Variants in THADA observed in about 807,000 individuals in gnomAD.
THADA encodes tRNA (32-2'-O)-methyltransferase regulator THADA.
A neutral mutation model predicts 219.8 loss-of-function variants in THADA; 213 were observed. The ratio of observed to expected loss-of-function variants is 0.97; its 90% CI spans 0.87 to 1.09. THADA has a LOEUF of 1.09. Ranked by LOEUF, THADA falls within the 50% of genes least tolerant of loss-of-function variation. The pLI is 0.00. For missense variants in THADA, 2,956 were observed against 2,311.3 expected (o/e 1.28, Z -5.72); for synonymous variants, 1,018 against 828.9 (o/e 1.23, Z -3.92).
chr2:43,494,876 A>C (rs1363163977), intron 25 of THADA, among the ~76,000 whole-genome samples: 1 of 152,202 alleles, frequency 6.6e-6, no homozygotes, highest in Admixed American at 6.5e-5. Flanking sequence ...AAGACTAAGG[A>C]GTCTGTAAAA....
chr2:43,329,294 C>G (rs10210125), intron 30 of THADA, among the ~76,000 whole-genome samples: 37,425 of 152,064 alleles, frequency 0.25, 5,360 homozygotes, highest in African/African-American at 0.39. Context: ...AATGTTAACA[C>G]AAGTCCCCTT....
intron 26 of THADA, among the ~76,000 whole-genome samples, chr2:43,482,617 T>C (rs1180767281): frequency 6.6e-6 from 1 of 152,196 alleles, no homozygotes; most frequent in African/African-American, 2.4e-5. Context: ...TTCTTATTTC[T>C]CCTCTAGTAA....
intron 35 of THADA, among the ~76,000 whole-genome samples, chr2:43,281,440 CTTTTT>C (rs35111198): frequency 1.9e-5 from 2 of 106,838 alleles, no homozygotes. Flanking sequence ...TCATGTACTT[CTTTTT>C]TTTTTTTTTT....
At chr2:43,585,653 C>A (rs950706677) in intron 7 of THADA, among the ~76,000 whole-genome samples, 2 of 151,724 alleles carry the variant, frequency 1.3e-5, no homozygotes, top group Admixed American at 6.6e-5. Context: ...ATATACTGAA[C>A]AAAACCAGCA....
At chr2:43,436,571 T>C (rs1680143416) in intron 26 of THADA, among the ~76,000 whole-genome samples, 1 of 152,198 alleles carries the variant, frequency 6.6e-6, no homozygotes, top group Non-Finnish European at 1.5e-5. Context: ...GTCCTTCCCT[T>C]TTCTGTAGCC....
intron 31 of THADA, among the ~76,000 whole-genome samples, chr2:43,306,251 AT>A (rs1440775475): frequency 1.3e-5 from 2 of 152,192 alleles, no homozygotes; most frequent in Admixed American, 1.3e-4. Context: ...GGCTCAAGCA[AT>A]TTACCTGCCT....
intron 30 of THADA, among the ~76,000 whole-genome samples, chr2:43,341,535 C>A (rs1037315578): frequency 1.3e-5 from 2 of 152,190 alleles, no homozygotes; most frequent in African/African-American, 4.8e-5. Flanking sequence ...GGCTGGCCTG[C>A]CGCTCCATCT....
intron 26 of THADA, among the ~76,000 whole-genome samples, chr2:43,466,750 C>T (rs1412759603): frequency 6.6e-6 from 1 of 152,126 alleles, no homozygotes; most frequent in Admixed American, 6.5e-5. Context: ...AGATATTTTC[C>T]CCATTCAAGA....
chr2:43,565,456 T>A (rs1698554797), intron 15 of THADA: 1 of 147,278 alleles, frequency 6.8e-6, no homozygotes, highest in Non-Finnish European at 1.5e-5. Flanking sequence ...AAAAGATGAA[T>A]CTAGGTAGAG....
chr2:43,497,550 G>A (rs549324135), intron 25 of THADA, among the ~76,000 whole-genome samples: 1 of 152,280 alleles, frequency 6.6e-6, no homozygotes, highest in East Asian at 1.9e-4. Context: ...CAGGAAGGGA[G>A]GGAGAACATC....
chr2:43,523,962 C>A (rs1692826520), intron 22 of THADA, among the ~76,000 whole-genome samples: 1 of 152,114 alleles, frequency 6.6e-6, no homozygotes, highest in Non-Finnish European at 1.5e-5. Flanking sequence ...GAAGTCTGTT[C>A]ATTTTCATCA....
chr2:43,456,967 A>G (rs1308810209), intron 26 of THADA, among the ~76,000 whole-genome samples: 1 of 152,184 alleles, frequency 6.6e-6, no homozygotes, highest in East Asian at 1.9e-4. Context: ...GGCATAAAAA[A>G]TTTTACACAG....
intron 21 of THADA, among the ~76,000 whole-genome samples, chr2:43,537,465 G>A (rs1011249189): frequency 2.0e-5 from 3 of 152,174 alleles, no homozygotes; most frequent in African/African-American, 7.2e-5. Flanking sequence ...AACTTGCATT[G>A]AGTGCAATTC....
chr2:43,530,884 T>C (rs2103747671), intron 21 of THADA, among the ~76,000 whole-genome samples: 1 of 152,326 alleles, frequency 6.6e-6, no homozygotes, highest in Admixed American at 6.5e-5. Flanking sequence ...GAAAACAGAT[T>C]GATGTTCTAA....
At chr2:43,457,393 T>A (rs1041490842) in intron 26 of THADA, among the ~76,000 whole-genome samples, 2 of 152,206 alleles carry the variant, frequency 1.3e-5, no homozygotes, top group African/African-American at 4.8e-5. Flanking sequence ...AAGGAAACCG[T>A]ATTTCTCATA....
intron 29 of THADA, among the ~76,000 whole-genome samples, chr2:43,360,295 G>A (rs1669357287): frequency 1.3e-5 from 2 of 152,144 alleles, no homozygotes; most frequent in South Asian, 2.1e-4. Flanking sequence ...GAGTGCAAAC[G>A]TTTGTTGATT....
Position 43,586,999 on chromosome 2 carries a change from T to C in THADA, c.306A>G (p.Ser102=). The C allele has an allele frequency of 6.2e-7, 1 of 1,612,478 alleles. No individual in the cohort carries two copies. The highest frequency in any genetic ancestry group is 1.3e-5 in the African/African-American group (1 of 75,008). Residue 102 remains serine, a synonymous_variant, in exon 5 of 38, where the codon TCA becomes TCG. Coordinates refer to ENST00000405975, the MANE Select transcript of THADA (RefSeq NM_022065.5). ...GAAAAAAATCAGGCAGGCTATTTAGTGAGCTAGAAAAAGAAACAAATATTA... is the reference window on the plus strand; with the variant it reads ...GAAAAAAATCAGGCAGGCTATTTAGCGAGCTAGAAAAAGAAACAAATATTA... The part of the protein sequence containing the change: ...KNPLKKVLAS[S]LNSLPDFFLP...
chr2:43,595,750 G>C (rs1161041089), intron 1 of THADA, 181 bp downstream of exon 1: 1 of 152,354 alleles, frequency 6.6e-6, no homozygotes, highest in African/African-American at 2.4e-5. Flanking sequence ...AATGACAGTG[G>C]GAGAAAGTGG....
intron 26 of THADA, among the ~76,000 whole-genome samples, chr2:43,461,462 C>T (rs1468134909): frequency 6.6e-6 from 1 of 152,110 alleles, no homozygotes; most frequent in Non-Finnish European, 1.5e-5. Context: ...TGACTTTGCC[C>T]TCCCCCAAAC....
Sources: gnomAD v4.1 joint callset for allele counts (sites outside exome capture counted in the v4.1 genomes callset) on GRCh38, gnomAD v4.1.1 for gene constraint, MANE v1.5 for transcripts, NCBI Gene and HGNC (gene_info 2026-07-23, HGNC 2026-07-21) for gene names.